NUCB1: variants seen among roughly 807,000 people sequenced by gnomAD.
The protein encoded by NUCB1 is nucleobindin-1.
A neutral mutation model predicts 61.2 loss-of-function variants in NUCB1; 47 were observed. The ratio of observed to expected loss-of-function variants is 0.77; its 90% CI spans 0.61 to 0.98. NUCB1 has a LOEUF of 0.98. NUCB1 is among the 50% of genes least tolerant of loss of function. NUCB1 has a pLI of 0.00. For synonymous variants in NUCB1, 234 were observed against 243.1 expected (o/e 0.96, Z 0.35); for missense variants, 583 against 605.3 (o/e 0.96, Z 0.39).
intron 2 of NUCB1, among the ~76,000 whole-genome samples, chr19:48,902,438 T>A (rs10426479): frequency 1.4e-5 from 2 of 138,694 alleles, no homozygotes; most frequent in Non-Finnish European, 1.5e-5. Context: ...TTTTTTTTTT[T>A]ATTTTTGCTG....
chr19:48,903,012 AC>A (rs2037368887), intron 2 of NUCB1, among the ~76,000 whole-genome samples: 1 of 151,298 alleles, frequency 6.6e-6, no homozygotes, highest in Non-Finnish European at 1.5e-5. Flanking sequence ...GCAGGATCAT[AC>A]CTCACTGCAG....
intron 7 of NUCB1, among the ~76,000 whole-genome samples, chr19:48,915,565 C>T (rs2037530157): frequency 6.6e-6 from 1 of 152,018 alleles, no homozygotes; most frequent in African/African-American, 2.4e-5. Context: ...CAGGTAGTGA[C>T]GTGTACTACC....
At position 48,922,418 on chromosome 19, in the gene NUCB1, T is replaced by A. The variant is rs1210762528; in HGVS notation, c.1380T>A (p.His460Gln). The A allele has an allele frequency of 6.2e-7, 1 of 1,612,982 alleles. No homozygotes were observed. The highest frequency in any genetic ancestry group is 1.1e-5 in the South Asian group (1 of 91,058). The change falls in exon 13 of 13, where the codon CAT (histidine) becomes CAA (glutamine). Residue 460 changes from histidine to glutamine, a missense_variant. By Grantham distance (24) the His-to-Gln change is conservative. Transcript: ENST00000405315. ...TCCCTGAGGTTGAGGTGCCCCAGCA[T>A]CTGTGATCCTCCGGGACCCCAGCCC... ...ERLPEVEVPQ[H>Q]L
chr19:48,921,371 C>T lies in NUCB1; in HGVS notation c.1173+47C>T, dbSNP rs560664099. Reference sequence around the variant, plus strand: ...TCCATCCACTGAATCTCTGGCTGCCCGTGTCCGTGTCCCCATGGGTGTCCA... The same window carrying T: ...TCCATCCACTGAATCTCTGGCTGCCTGTGTCCGTGTCCCCATGGGTGTCCA... On this transcript the variant is annotated intron_variant, in intron 11 of 12. Coordinates refer to ENST00000405315, the MANE Select transcript of NUCB1 (RefSeq NM_006184.6). The T allele has an allele frequency of 1.8e-5, 28 of 1,543,250 alleles. No individual in the cohort carries two copies. In the South Asian group the frequency reaches 2.2e-4, roughly 12 times the overall value.
At chr19:48,906,340 G>A (rs572280890) in intron 4 of NUCB1, among the ~76,000 whole-genome samples, 1 of 149,452 alleles carries the variant, frequency 6.7e-6, no homozygotes, top group South Asian at 2.1e-4. Context: ...GGAGGCGGAG[G>A]TTGTAGTGAG....
intron 8 of NUCB1, 92 bp downstream of exon 8, chr19:48,918,876 A>G: frequency 7.3e-7 from 1 of 1,373,532 alleles, no homozygotes; most frequent in Non-Finnish European, 1.0e-6. Flanking sequence ...CCTGGATGGG[A>G]GCTCAGTGAA....
intron 11 of NUCB1, 68 bp from the exon 12 acceptor site, chr19:48,921,759 C>T: frequency 6.8e-7 from 1 of 1,473,772 alleles, no homozygotes; most frequent in Non-Finnish European, 9.4e-7. Flanking sequence ...CGTTTGGGGA[C>T]TGAGGCCTGA....
chr19:48,912,646 G>A (rs2037487289), intron 5 of NUCB1, among the ~76,000 whole-genome samples: 1 of 152,040 alleles, frequency 6.6e-6, no homozygotes, highest in Non-Finnish European at 1.5e-5. Context: ...GACCAGCCTG[G>A]CCAACATGGT....
At chr19:48,909,805 G>C (rs2037452339) in intron 4 of NUCB1, among the ~76,000 whole-genome samples, 1 of 152,070 alleles carries the variant, frequency 6.6e-6, no homozygotes. Context: ...GTCTCCCAAA[G>C]TGCTGGGATT....
chr19:48,910,224 G>A (rs1026026955), intron 4 of NUCB1, among the ~76,000 whole-genome samples: 10 of 151,750 alleles, frequency 6.6e-5, no homozygotes, highest in African/African-American at 1.4e-4. Context: ...CTACAGGTGC[G>A]CACCACCATG....
At chr19:48,904,514 G>A in intron 3 of NUCB1, 60 bp downstream of exon 3, 1 of 1,043,322 alleles carries the variant, frequency 9.6e-7, no homozygotes. Flanking sequence ...AGAGTTCAGG[G>A]GAGGACTGGT....
chr19:48,910,356 G>A lies in NUCB1; in HGVS notation c.377-793G>A, dbSNP rs565669160. On this transcript the variant is annotated intron_variant, in intron 4 of 12. Transcript: ENST00000405315. ...CTCCCAAAGTGCTGGGATTACAGGC[G>A]TGAGCCACCGCACCCAGCCTTGTTT... is the stretch of plus-strand genomic sequence containing the variant. Among the ~76,000 whole-genome samples the A allele has an allele frequency of 5.3e-3, 754 of 143,444 alleles. 3 individuals carry two copies. The highest frequency in any genetic ancestry group is 0.015 in the Middle Eastern group (4 of 270). 94.1% of individuals were successfully genotyped at this position (143,444 alleles called of 152,430 possible). A position where few individuals can be genotyped will look rare whatever the true frequency, so the allele number is the denominator to read the frequency against.
chr19:48,907,863 G>A (rs531145449), intron 4 of NUCB1, among the ~76,000 whole-genome samples: 116 of 152,082 alleles, frequency 7.6e-4, no homozygotes, highest in African/African-American at 2.5e-3. Context: ...ACCTTCTTGC[G>A]TCAGCATTTT....
chr19:48,901,591 C>G (rs971457646), intron 2 of NUCB1, among the ~76,000 whole-genome samples: 7 of 152,210 alleles, frequency 4.6e-5, no homozygotes, highest in Admixed American at 6.5e-5. Flanking sequence ...TGGCAAAACC[C>G]CATCTCTACC....
At chr19:48,922,242 G>A in intron 12 of NUCB1, 76 bp from the exon 13 acceptor site, 2 of 1,241,142 alleles carry the variant, frequency 1.6e-6, no homozygotes, top group African/African-American at 1.5e-5. Context: ...TGAGGGAGGA[G>A]GGGCTGGGCC....
intron 7 of NUCB1, among the ~76,000 whole-genome samples, chr19:48,914,785 A>T (rs1359322650): frequency 5.8e-5 from 8 of 137,616 alleles, no homozygotes; most frequent in African/African-American, 1.3e-4. Context: ...GTCTCTATTT[A>T]AAAAAAAAAA....
chr19:48,904,375 T>C lies in NUCB1; in HGVS notation c.164T>C (p.Leu55Pro), dbSNP rs1414541949. Residue 55 changes from leucine (L) to proline (P), a missense_variant, in exon 3 of 13, where the codon CTC (leucine) becomes CCC (proline). Coordinates refer to ENST00000405315, the MANE Select transcript of NUCB1 (RefSeq NM_006184.6). ...PDTGLYYHRY[L>P]QEVIDVLETD... ...ACAGGCCTGTACTACCACCGGTACC[T>C]CCAGGAGGTCATCGATGTACTGGAG... 1 of 1,613,508 alleles carries C rather than the reference T, an allele frequency of 6.2e-7. No homozygotes were observed. Among genetic ancestry groups the C allele is most frequent in the Non-Finnish European group, 8.5e-7 (1 of 1,179,682 alleles).
intron 3 of NUCB1, among the ~76,000 whole-genome samples, 188 bp downstream of exon 3, chr19:48,904,642 A>G (rs1188512650): frequency 6.7e-6 from 1 of 150,352 alleles, no homozygotes; most frequent in Non-Finnish European, 1.5e-5. Flanking sequence ...TCCTGCCTCA[A>G]CCTCCCAAGT....
At chr19:48,918,997 TC>T in intron 8 of NUCB1, 32 bp from the exon 9 acceptor site, 3 of 1,600,554 alleles carry the variant, frequency 1.9e-6, no homozygotes, top group Non-Finnish European at 2.6e-6. Flanking sequence ...TGGGGACCTC[TC>T]AATGCTGTCT....
Sources: allele counts gnomAD v4.1 joint callset (sites outside exome capture counted in the v4.1 genomes callset), GRCh38; gene constraint gnomAD v4.1.1; transcripts MANE v1.5; gene names NCBI Gene and HGNC (gene_info 2026-07-23, HGNC 2026-07-21).